The following ADAMTS16 variants were observed in gnomAD, a reference collection of about 807,000 sequenced individuals.
The protein encoded by ADAMTS16 is ADAM metallopeptidase with thrombospondin type 1 motif 16.
In ADAMTS16, 94 loss-of-function variants were observed where a neutral mutation model predicts 145.8. The ratio of observed to expected loss-of-function variants is 0.64; its 90% CI spans 0.55 to 0.77. ADAMTS16 has a LOEUF of 0.77. ADAMTS16 is among the 30% of genes least tolerant of loss of function. The pLI is 0.00. For missense variants in ADAMTS16, 1,585 were observed against 1,591.5 expected (o/e 1.00, Z 0.07); for synonymous variants, 659 against 604.3 (o/e 1.09, Z -1.33).
At chr5:5,145,584 G>A (rs568121787) in intron 2 of ADAMTS16, among the ~76,000 whole-genome samples, 3 of 152,234 alleles carry the variant, frequency 2.0e-5, no homozygotes, top group Non-Finnish European at 2.9e-5. Flanking sequence ...TGGCTTACCA[G>A]TAGTTATTTT....
intron 3 of ADAMTS16, among the ~76,000 whole-genome samples, chr5:5,167,747 C>T (rs1734921688): frequency 1.3e-5 from 2 of 152,360 alleles, no homozygotes; most frequent in Admixed American, 6.5e-5. Flanking sequence ...GAGCCTTGCT[C>T]TCCACAAGTG....
intron 9 of ADAMTS16, 84 bp downstream of exon 9, chr5:5,200,353 C>A: frequency 6.5e-7 from 1 of 1,544,288 alleles, no homozygotes; most frequent in South Asian, 1.2e-5. Context: ...TGCAAGCAGC[C>A]CCAGGCTGTG....
At chr5:5,211,095 C>G (rs1560950664) in intron 10 of ADAMTS16, among the ~76,000 whole-genome samples, 1 of 152,102 alleles carries the variant, frequency 6.6e-6, no homozygotes, top group Non-Finnish European at 1.5e-5. Context: ...TTGTGCTGAC[C>G]TAATAAAATC....
At chr5:5,291,768 C>T (rs1187052289) in intron 18 of ADAMTS16, among the ~76,000 whole-genome samples, 3 of 151,424 alleles carry the variant, frequency 2.0e-5, no homozygotes, top group Non-Finnish European at 4.4e-5. Context: ...TTTGTGTTGC[C>T]CTGTTGGTGC....
intron 3 of ADAMTS16, among the ~76,000 whole-genome samples, chr5:5,151,783 C>T (rs1210029003): frequency 6.6e-6 from 1 of 150,888 alleles, no homozygotes; most frequent in Non-Finnish European, 1.5e-5. Flanking sequence ...TTTCAGTATA[C>T]AATACAGTAT....
chr5:5,212,215 T>G (rs1029212697), intron 10 of ADAMTS16, among the ~76,000 whole-genome samples: 40 of 129,684 alleles, frequency 3.1e-4, no homozygotes, highest in African/African-American at 1.2e-3. Flanking sequence ...TTTTGTTTTG[T>G]TTTTTTTTTT....
At chr5:5,226,757 T>TA (rs1736777729) in intron 11 of ADAMTS16, among the ~76,000 whole-genome samples, 1 of 152,178 alleles carries the variant, frequency 6.6e-6, no homozygotes, top group Non-Finnish European at 1.5e-5. Context: ...CATAGACTGA[T>TA]ATTTATTTCA....
intron 17 of ADAMTS16, among the ~76,000 whole-genome samples, chr5:5,252,510 A>G (rs1477682662): frequency 6.6e-6 from 1 of 152,092 alleles, no homozygotes; most frequent in Non-Finnish European, 1.5e-5. Flanking sequence ...AACTGAAGAC[A>G]AGGGCTTCCC....
chr5:5,261,271 G>A (rs531103038), intron 17 of ADAMTS16, among the ~76,000 whole-genome samples: 35 of 152,100 alleles, frequency 2.3e-4, no homozygotes, highest in Admixed American at 6.5e-4. Flanking sequence ...CTGAGTACGC[G>A]GGACTACAGG....
Position 5,222,816 on chromosome 5 carries a change from C to A in ADAMTS16, c.1633C>A (p.Arg545Ser). ...CATCTGTAAAGCCCTGTGGTGCCAT[C>A]GTATTGGAAGGAAATGTGAGACTAA... ...KDICKALWCH[R>S]IGRKCETKFM... The change falls in exon 11 of 23, where the codon CGT becomes AGT. Residue 545 changes from arginine (R) to serine (S), a missense_variant. Physicochemically the swap from Arg to Ser is moderately radical, Grantham distance 110. This residue lies in a region of ADAMTS16 where 298 missense variants were observed against 367.6 expected (regional missense o/e 0.81). Coordinates refer to ENST00000274181, the MANE Select transcript of ADAMTS16 (RefSeq NM_139056.4). 1 of 1,614,018 alleles carries A rather than the reference C, an allele frequency of 6.2e-7. No homozygotes were observed. The highest frequency in any genetic ancestry group is 8.5e-7 in the Non-Finnish European group (1 of 1,179,960).
intron 10 of ADAMTS16, among the ~76,000 whole-genome samples, chr5:5,215,996 A>G (rs1736429045): frequency 6.7e-6 from 1 of 150,150 alleles, no homozygotes; most frequent in South Asian, 2.1e-4. Context: ...GTGCTGCTAT[A>G]AACATGTATG....
intron 17 of ADAMTS16, among the ~76,000 whole-genome samples, chr5:5,257,716 T>C (rs1387681804): frequency 6.6e-6 from 1 of 152,188 alleles, no homozygotes; most frequent in Non-Finnish European, 1.5e-5. Context: ...ATTCTCTAGA[T>C]GCTGGCAGCT....
intron 10 of ADAMTS16, among the ~76,000 whole-genome samples, chr5:5,214,757 C>T (rs1368977141): frequency 2.0e-5 from 3 of 152,188 alleles, no homozygotes; most frequent in African/African-American, 7.2e-5. Flanking sequence ...ATCTCTCAGA[C>T]ACCAAATCTC....
At chr5:5,244,782 T>C (rs1737391958) in intron 17 of ADAMTS16, among the ~76,000 whole-genome samples, 1 of 152,208 alleles carries the variant, frequency 6.6e-6, no homozygotes, top group Non-Finnish European at 1.5e-5. Flanking sequence ...GCAATGGGCG[T>C]TGCAGTCCAT....
chr5:5,243,014 A>C (rs1452550097), intron 17 of ADAMTS16, among the ~76,000 whole-genome samples: 1 of 152,252 alleles, frequency 6.6e-6, no homozygotes, highest in Non-Finnish European at 1.5e-5. Flanking sequence ...TAAGTAAAAG[A>C]AAATGGTTCA....
chr5:5,189,384 A>G (rs1474604912), intron 6 of ADAMTS16, among the ~76,000 whole-genome samples: 2 of 152,240 alleles, frequency 1.3e-5, no homozygotes, highest in African/African-American at 4.8e-5. Flanking sequence ...GAGGTTGAAC[A>G]TGGCTTGCAA....
At chr5:5,266,429 C>A (rs867726850) in intron 18 of ADAMTS16, among the ~76,000 whole-genome samples, 1 of 152,232 alleles carries the variant, frequency 6.6e-6, no homozygotes, top group African/African-American at 2.4e-5. Flanking sequence ...GCAAAAGCAA[C>A]GGCAGAGTGG....
In ADAMTS16 at chr5:5,231,329, G is replaced by A. The variant is rs191022708; in HGVS notation, c.1702-1039G>A. Among the ~76,000 whole-genome samples the A allele has an allele frequency of 1.7e-3, 266 of 152,274 alleles. 1 individual carries two copies. Among genetic ancestry groups the A allele is most frequent in the Non-Finnish European group, 1.0e-3 (68 of 68,020 alleles). On this transcript the variant is annotated intron_variant, in intron 11 of 22. Transcript: ENST00000274181. ...AGCATTAAATGGGGCCATTTGAACT[G>A]CCATAGTATGTGCCAACACTGGTCA...
chr5:5,307,695 C>A (rs1299337868), intron 21 of ADAMTS16, among the ~76,000 whole-genome samples: 1 of 152,170 alleles, frequency 6.6e-6, no homozygotes, highest in African/African-American at 2.4e-5. Context: ...CTCCTATTAG[C>A]CCTCTAAGGG....
Sources: allele counts gnomAD v4.1 joint callset (sites outside exome capture counted in the v4.1 genomes callset), GRCh38; gene constraint gnomAD v4.1.1; regional missense constraint gnomAD v4.1.1; transcripts MANE v1.5; gene names NCBI Gene and HGNC (gene_info 2026-07-23, HGNC 2026-07-21).